Variants in CDKAL1 observed in about 807,000 individuals in gnomAD.
CDKAL1 encodes the protein CDKAL1 threonylcarbamoyladenosine tRNA methylthiotransferase, also known as threonylcarbamoyladenosine tRNA methylthiotransferase.
In CDKAL1, 32 loss-of-function variants were observed where a neutral mutation model predicts 68.2. The ratio of observed to expected loss-of-function variants is 0.47; its 90% CI spans 0.35 to 0.63. The LOEUF is 0.63. Among genes scored for constraint, CDKAL1 ranks in the 30% least tolerant of loss-of-function variants. The probability of loss-of-function intolerance (pLI) is 0.00; values close to 1 mark genes in which losing one functional copy is unlikely to be tolerated. For missense variants in CDKAL1, 606 were observed against 696.7 expected (o/e 0.87, Z 1.47); for synonymous variants, 234 against 244.3 (o/e 0.96, Z 0.39).
At chr6:20,649,051 TAAAGGA>T (rs952654351) in intron 4 of CDKAL1, among the ~76,000 whole-genome samples, 1 of 152,198 alleles carries the variant, frequency 6.6e-6, no homozygotes, top group Non-Finnish European at 1.5e-5. Flanking sequence ...GCATTGAAAG[TAAAGGA>T]AGAGAATGCT....
chr6:20,774,920 T>C (rs1037000543), intron 7 of CDKAL1, among the ~76,000 whole-genome samples: 3 of 152,200 alleles, frequency 2.0e-5, no homozygotes, highest in African/African-American at 4.8e-5. Flanking sequence ...AGGGTTGAAT[T>C]GTATCTGACA....
At chr6:20,839,392 C>G (rs191589390) in intron 8 of CDKAL1, among the ~76,000 whole-genome samples, 1 of 151,874 alleles carries the variant, frequency 6.6e-6, no homozygotes, top group African/African-American at 2.4e-5. Flanking sequence ...CTTTTTTTGT[C>G]CTATCTTGGC....
chr6:21,036,010 G>T (rs1046489544), intron 11 of CDKAL1, among the ~76,000 whole-genome samples: 1 of 152,046 alleles, frequency 6.6e-6, no homozygotes, highest in Non-Finnish European at 1.5e-5. Flanking sequence ...TTTCCTTTGC[G>T]CTTGCATCAA....
At chr6:20,880,457 A>G (rs957522519) in intron 9 of CDKAL1, among the ~76,000 whole-genome samples, 5 of 152,026 alleles carry the variant, frequency 3.3e-5, no homozygotes, top group Non-Finnish European at 5.9e-5. Context: ...GGGTTTCACC[A>G]TGTTGGCCAG....
chr6:20,617,443 G>A (rs1766970270), intron 4 of CDKAL1, among the ~76,000 whole-genome samples: 1 of 152,124 alleles, frequency 6.6e-6, no homozygotes, highest in African/African-American at 2.4e-5. Flanking sequence ...TTTACTTTAA[G>A]TTCTAGGGTA....
intron 4 of CDKAL1, among the ~76,000 whole-genome samples, chr6:20,564,916 G>A (rs966598966): frequency 2.0e-5 from 3 of 152,114 alleles, no homozygotes; most frequent in African/African-American, 4.8e-5. Context: ...TCTAGGTCCA[G>A]GTCCTGCGAA....
chr6:20,747,483 C>T (rs578112760), intron 6 of CDKAL1, among the ~76,000 whole-genome samples: 89 of 152,282 alleles, frequency 5.8e-4, no homozygotes, highest in Admixed American at 3.3e-3. Flanking sequence ...TCTACTTCCT[C>T]GCTGACACTC....
chr6:20,611,162 A>G (rs1013991599), intron 4 of CDKAL1, among the ~76,000 whole-genome samples: 1 of 152,214 alleles, frequency 6.6e-6, no homozygotes, highest in South Asian at 2.1e-4. Context: ...TCATCTAAAT[A>G]TCAGAAGGAC....
chr6:20,675,334 G>A (rs1280645943), intron 5 of CDKAL1, among the ~76,000 whole-genome samples: 1 of 152,080 alleles, frequency 6.6e-6, no homozygotes, highest in African/African-American at 2.4e-5. Flanking sequence ...TTGCTTTTTT[G>A]TGGGATGGTT....
At chr6:21,059,434 T>C (rs1451803686) in intron 11 of CDKAL1, among the ~76,000 whole-genome samples, 1 of 152,220 alleles carries the variant, frequency 6.6e-6, no homozygotes, top group African/African-American at 2.4e-5. Context: ...CCTGGTGGCA[T>C]GGGCTCACAG....
chr6:21,184,613 TATCTC>T (rs1483344146), intron 13 of CDKAL1, among the ~76,000 whole-genome samples: 2 of 152,120 alleles, frequency 1.3e-5, no homozygotes, highest in Non-Finnish European at 2.9e-5. Context: ...AGCATTAAAA[TATCTC>T]ACCTTAGGCC....
chr6:21,230,458 G>A (rs1159811689), intron 15 of CDKAL1, among the ~76,000 whole-genome samples: 1 of 152,196 alleles, frequency 6.6e-6, no homozygotes, highest in Non-Finnish European at 1.5e-5. Context: ...CACCACACCT[G>A]GCCCATGGTG....
At chr6:20,636,532 G>A (rs1201107617) in intron 4 of CDKAL1, among the ~76,000 whole-genome samples, 7 of 152,122 alleles carry the variant, frequency 4.6e-5, no homozygotes, top group Admixed American at 3.9e-4. Context: ...GCTCAGATGC[G>A]TGTGTGAACT....
chr6:20,993,544 G>A (rs1191902908), intron 10 of CDKAL1: 4 of 152,150 alleles, frequency 2.6e-5, no homozygotes, highest in Non-Finnish European at 4.4e-5. Context: ...TCCAATTTTA[G>A]TATATGTGCT....
At chr6:21,040,929 A>G (rs1195775145) in intron 11 of CDKAL1, among the ~76,000 whole-genome samples, 5 of 152,112 alleles carry the variant, frequency 3.3e-5, no homozygotes, top group Non-Finnish European at 5.9e-5. Flanking sequence ...GCAGTTGCCC[A>G]TAGATAGATG....
rs929987800 is a variant in CDKAL1, at chr6:20,667,616, T to C, written c.371+18239T>C. Among the ~76,000 whole-genome samples the C allele has an allele frequency of 3.3e-5, 5 of 152,100 alleles. 1 individual carries two copies. Among genetic ancestry groups the C allele is most frequent in the Admixed American group, 3.3e-4 (5 of 15,264 alleles). On this transcript the variant is annotated intron_variant, in intron 5 of 15. Coordinates refer to ENST00000274695, the MANE Select transcript of CDKAL1 (RefSeq NM_017774.3). ...GACCCTAGGCACTAAGTACTTCGTATTTTTTCCTTATTTTTTCTCTTCTGC... is the reference window on the plus strand; with the variant it reads ...GACCCTAGGCACTAAGTACTTCGTACTTTTTCCTTATTTTTTCTCTTCTGC...
chr6:21,129,682 C>CAAAAAAAAA (rs34802727), intron 13 of CDKAL1, among the ~76,000 whole-genome samples: 19 of 68,934 alleles, frequency 2.8e-4, no homozygotes, highest in Middle Eastern at 0.015. Flanking sequence ...TGCAGTTTAC[C>CAAAAAAAAA]AAAAAAAAAA....
chr6:20,639,559 A>G (rs76013297), intron 4 of CDKAL1, among the ~76,000 whole-genome samples: 1,830 of 152,366 alleles, frequency 0.012, 38 homozygotes, highest in African/African-American at 0.042. Flanking sequence ...TTTTTAGAAA[A>G]CAGATTTTGA....
intron 5 of CDKAL1, among the ~76,000 whole-genome samples, chr6:20,679,084 A>G (rs747084966): frequency 1.3e-5 from 2 of 151,984 alleles, no homozygotes; most frequent in African/African-American, 2.4e-5. Flanking sequence ...TTATTTATTG[A>G]TTGATTGATT....
Sources: allele counts gnomAD v4.1 joint callset (sites outside exome capture counted in the v4.1 genomes callset), GRCh38; gene constraint gnomAD v4.1.1; transcripts MANE v1.5; gene names NCBI Gene and HGNC (gene_info 2026-07-23, HGNC 2026-07-21).